ZHX2: variants seen among roughly 807,000 people sequenced by gnomAD.
ZHX2 encodes zinc fingers and homeoboxes protein 2.
ZHX2 carries 6 observed loss-of-function variants against 21.9 expected under a neutral mutation model. The observed-to-expected ratio is 0.27, with a 90% CI of 0.15 to 0.54. The LOEUF is 0.54. Among genes scored for constraint, ZHX2 ranks in the 20% least tolerant of loss-of-function variants. The probability of loss-of-function intolerance (pLI) is 0.95; values close to 1 mark genes in which losing one functional copy is unlikely to be tolerated. For synonymous variants in ZHX2, 434 were observed against 437.1 expected (o/e 0.99, Z 0.09); for missense variants, 908 against 1,090.7 (o/e 0.83, Z 2.36).
intron 1 of ZHX2, among the ~76,000 whole-genome samples, chr8:122,797,848 T>C (rs1023440344): frequency 6.6e-6 from 1 of 152,242 alleles, no homozygotes; most frequent in African/African-American, 2.4e-5. Flanking sequence ...CTCTAATTAC[T>C]GCCAGCACTA....
intron 1 of ZHX2, among the ~76,000 whole-genome samples, chr8:122,789,023 T>A (rs1295296719): frequency 6.6e-6 from 1 of 152,098 alleles, no homozygotes; most frequent in African/African-American, 2.4e-5. Flanking sequence ...CCTCCTCGGA[T>A]CTGGAGAGAA....
intron 2 of ZHX2, among the ~76,000 whole-genome samples, chr8:122,887,390 C>T (rs1228974206): frequency 2.6e-5 from 4 of 151,424 alleles, no homozygotes; most frequent in Admixed American, 6.6e-5. Context: ...TGGTGGCAGG[C>T]GCCTGTAATC....
Position 122,787,973 on chromosome 8 carries a change from G to A in ZHX2, c.-283+6027G>A, listed in dbSNP as rs572154167. Reference sequence around the variant, plus strand: ...CACTCAAGAAAAACACTCCTCAGCAGGCCTGACATTTATGCCCCCACAGCC... The same window carrying A: ...CACTCAAGAAAAACACTCCTCAGCAAGCCTGACATTTATGCCCCCACAGCC... On this transcript the variant is annotated intron_variant, in intron 1 of 3. Coordinates refer to ENST00000314393, the MANE Select transcript of ZHX2 (RefSeq NM_014943.5). Among the ~76,000 whole-genome samples the A allele has an allele frequency of 1.2e-4, 18 of 152,276 alleles. No homozygotes were observed. The East Asian group carries it at 3.5e-3, about 29-fold the overall frequency.
chr8:122,878,368 C>T (rs1470718802), intron 2 of ZHX2, among the ~76,000 whole-genome samples: 1 of 152,194 alleles, frequency 6.6e-6, no homozygotes, highest in Non-Finnish European at 1.5e-5. Context: ...GTTGGGCCTG[C>T]TCACATACCT....
chr8:122,946,165 C>T (rs1812970822), intron 2 of ZHX2, among the ~76,000 whole-genome samples: 2 of 151,890 alleles, frequency 1.3e-5, no homozygotes, highest in Non-Finnish European at 2.9e-5. Flanking sequence ...CAACTTTGAC[C>T]CAGGCATATC....
chr8:122,797,219 G>A (rs1242820463), intron 1 of ZHX2, among the ~76,000 whole-genome samples: 4 of 152,188 alleles, frequency 2.6e-5, no homozygotes, highest in Non-Finnish European at 5.9e-5. Flanking sequence ...CTACAGCTCT[G>A]TAAGGCAGCT....
chr8:122,873,060 C>T (rs946710380), intron 2 of ZHX2, among the ~76,000 whole-genome samples: 4 of 152,200 alleles, frequency 2.6e-5, no homozygotes, highest in African/African-American at 9.6e-5. Context: ...GCCTGTGTCA[C>T]GCACTCCCAC....
intron 1 of ZHX2, among the ~76,000 whole-genome samples, chr8:122,855,067 C>G (rs1248410829): frequency 6.6e-6 from 1 of 152,180 alleles, no homozygotes; most frequent in African/African-American, 2.4e-5. Context: ...TCCATACATT[C>G]CAGGGTCAGA....
intron 2 of ZHX2, among the ~76,000 whole-genome samples, chr8:122,886,522 C>T (rs1819845785): frequency 6.6e-6 from 1 of 152,078 alleles, no homozygotes; most frequent in South Asian, 2.1e-4. Flanking sequence ...AACAAACGTA[C>T]CCCACCATGC....
At chr8:122,824,618 G>A (rs998307220) in intron 1 of ZHX2, among the ~76,000 whole-genome samples, 4 of 152,198 alleles carry the variant, frequency 2.6e-5, no homozygotes, top group African/African-American at 9.7e-5. Context: ...AAGAAACAGA[G>A]GGTCCAAGAG....
At chr8:122,859,091 G>A (rs1819102989) in intron 1 of ZHX2, among the ~76,000 whole-genome samples, 1 of 152,218 alleles carries the variant, frequency 6.6e-6, no homozygotes, top group Admixed American at 6.5e-5. Context: ...GGAAACCAAG[G>A]TCCCGGAAGA....
chr8:122,850,483 C>CA (rs991935999), intron 1 of ZHX2, among the ~76,000 whole-genome samples: 3 of 151,840 alleles, frequency 2.0e-5, no homozygotes, highest in Non-Finnish European at 2.9e-5. Flanking sequence ...ATGAAAAGTA[C>CA]AAAAAAATTA....
intron 2 of ZHX2, among the ~76,000 whole-genome samples, chr8:122,913,992 C>G (rs546451605): frequency 1.3e-5 from 2 of 152,340 alleles, no homozygotes; most frequent in African/African-American, 4.8e-5. Flanking sequence ...TCTATATGCT[C>G]TCTTCTCTAG....
intron 1 of ZHX2, among the ~76,000 whole-genome samples, chr8:122,789,070 C>T (rs921437478): frequency 1.3e-5 from 2 of 152,184 alleles, no homozygotes; most frequent in African/African-American, 2.4e-5. Flanking sequence ...AAGTTGGAGC[C>T]GGAGGAGAAT....
At chr8:122,850,316 A>G (rs1163104745) in intron 1 of ZHX2, among the ~76,000 whole-genome samples, 1 of 152,026 alleles carries the variant, frequency 6.6e-6, no homozygotes, top group Non-Finnish European at 1.5e-5. Flanking sequence ...GCTGCTTCTC[A>G]CTGCCTCTAC....
Position 122,828,006 on chromosome 8 carries a change from C to T in ZHX2, c.-282-35471C>T, listed in dbSNP as rs764574195. On this transcript the variant is annotated intron_variant, in intron 1 of 3. Coordinates refer to ENST00000314393, the MANE Select transcript of ZHX2 (RefSeq NM_014943.5). The surrounding 1 kb of genome is among the most constrained non-coding windows in gnomAD (Gnocchi z 5.2). ...GTGCACAACTGTAGTCCCAGCTACT[C>T]GGGAGGCTGAGATGGGAGGATCACT... 9.9e-5 allele frequency among the ~76,000 whole-genome samples: 15 copies of T among 152,208 alleles called. No homozygotes were observed. Among genetic ancestry groups the T allele is most frequent in the South Asian group, 2.1e-4 (1 of 4,820 alleles).
At chr8:122,920,880 C>T (rs1034656494) in intron 2 of ZHX2, among the ~76,000 whole-genome samples, 3 of 152,068 alleles carry the variant, frequency 2.0e-5, no homozygotes, top group South Asian at 2.1e-4. Context: ...TCCATATGGG[C>T]GGGCTGGACA....
At chr8:122,822,931 T>C (rs114522579) in intron 1 of ZHX2, among the ~76,000 whole-genome samples, 1 of 152,340 alleles carries the variant, frequency 6.6e-6, no homozygotes, top group African/African-American at 2.4e-5. Flanking sequence ...GAATACATAA[T>C]GTACCTCATC....
chr8:122,841,997 A>G (rs1054751013), intron 1 of ZHX2, among the ~76,000 whole-genome samples: 2 of 152,174 alleles, frequency 1.3e-5, no homozygotes, highest in Admixed American at 6.5e-5. Flanking sequence ...GCGCAGACAT[A>G]GTGCTTGACT....
Sources: allele counts gnomAD v4.1 joint callset (sites outside exome capture counted in the v4.1 genomes callset), GRCh38; gene constraint gnomAD v4.1.1; non-coding constraint Gnocchi (gnomAD v3.1); transcripts MANE v1.5; gene names NCBI Gene and HGNC (gene_info 2026-07-23, HGNC 2026-07-21).